KCNB2: variants seen among roughly 807,000 people sequenced by gnomAD.
KCNB2 encodes delayed rectifier potassium channel protein.
KCNB2 carries 15 observed loss-of-function variants against 61.5 expected under a neutral mutation model. The observed-to-expected ratio is 0.24, with a 90% CI of 0.16 to 0.38. KCNB2 has a LOEUF of 0.38. Among genes scored for constraint, KCNB2 ranks in the 10% least tolerant of loss-of-function variants. KCNB2 has a pLI of 1.00. For synonymous variants in KCNB2, 457 were observed against 446.0 expected (o/e 1.02, Z -0.31); for missense variants, 828 against 1,125.2 (o/e 0.74, Z 3.78).
At chr8:72,831,952 T>G (rs1370617652) in intron 2 of KCNB2, among the ~76,000 whole-genome samples, 4 of 152,236 alleles carry the variant, frequency 2.6e-5, no homozygotes, top group African/African-American at 4.8e-5. Context: ...TTCACCCTTT[T>G]AAGAGTCAGA....
intron 2 of KCNB2, among the ~76,000 whole-genome samples, chr8:72,636,759 A>G (rs915034337): frequency 2.0e-5 from 3 of 152,076 alleles, no homozygotes; most frequent in African/African-American, 7.2e-5. Context: ...TCTTAGAGCA[A>G]TTTTTGTCAT....
rs1267232553 is a variant in KCNB2 at position 72,537,301 on chromosome 8, C to G, written c.-678C>G. 1.3e-5 allele frequency: 2 copies of G among 152,182 alleles called. No individual in the cohort carries two copies. Among genetic ancestry groups the G allele is most frequent in the African/African-American group, 4.8e-5 (2 of 41,386 alleles). 9.4% of individuals were successfully genotyped at this position (152,182 alleles called of 1,614,324 possible). A position where few individuals can be genotyped will look rare whatever the true frequency, so the allele number is the denominator to read the frequency against. ...CCCCAGAGCGCCCCGCCTAGCCTCCCGCGCGCAGCCTCTACCCTGCTCCGC... is the reference window on the plus strand; with the variant it reads ...CCCCAGAGCGCCCCGCCTAGCCTCCGGCGCGCAGCCTCTACCCTGCTCCGC... On this transcript the variant is annotated 5_prime_UTR_variant, in exon 1 of 3. Transcript: ENST00000523207.
chr8:72,847,427 CA>C (rs1271249288), intron 2 of KCNB2, among the ~76,000 whole-genome samples: 1 of 152,186 alleles, frequency 6.6e-6, no homozygotes, highest in Non-Finnish European at 1.5e-5. Flanking sequence ...ACTAGGATTG[CA>C]AACAGTGCTT....
At chr8:72,749,041 G>A (rs544303799) in intron 2 of KCNB2, among the ~76,000 whole-genome samples, 1 of 152,228 alleles carries the variant, frequency 6.6e-6, no homozygotes, top group East Asian at 1.9e-4. Context: ...TGTACATAAT[G>A]TGTATAGTAC....
intron 2 of KCNB2, among the ~76,000 whole-genome samples, chr8:72,797,408 A>C (rs1479215797): frequency 6.6e-6 from 1 of 152,204 alleles, no homozygotes; most frequent in Non-Finnish European, 1.5e-5. Context: ...TGTTTGTGTA[A>C]TAAAAAATTG....
At chr8:72,850,296 T>C (rs1810077834) in intron 2 of KCNB2, among the ~76,000 whole-genome samples, 1 of 151,498 alleles carries the variant, frequency 6.6e-6, no homozygotes, top group Non-Finnish European at 1.5e-5. Context: ...CTTGGCTCAC[T>C]GCAACCTCCA....
chr8:72,688,779 T>C (rs1025799862), intron 2 of KCNB2, among the ~76,000 whole-genome samples: 1 of 152,196 alleles, frequency 6.6e-6, no homozygotes, highest in African/African-American at 2.4e-5. Flanking sequence ...CAGGCTATAG[T>C]GTAGAGGTGT....
At chr8:72,682,204 T>A (rs1420500793) in intron 2 of KCNB2, among the ~76,000 whole-genome samples, 1 of 152,128 alleles carries the variant, frequency 6.6e-6, no homozygotes, top group African/African-American at 2.4e-5. Flanking sequence ...TGTGTTCAGG[T>A]CATGATAAAC....
At chr8:72,798,087 T>C (rs1327512794) in intron 2 of KCNB2, among the ~76,000 whole-genome samples, 1 of 151,948 alleles carries the variant, frequency 6.6e-6, no homozygotes, top group Non-Finnish European at 1.5e-5. Context: ...TGGGTCAAGG[T>C]TGGAAAACAC....
At chr8:72,919,671 A>G (rs1806469558) in intron 2 of KCNB2, among the ~76,000 whole-genome samples, 2 of 152,224 alleles carry the variant, frequency 1.3e-5, no homozygotes, top group Non-Finnish European at 1.5e-5. Flanking sequence ...CGACCAAGTG[A>G]GGATCCCTAG....
Position 72,937,664 on chromosome 8 carries a change from G to C in KCNB2, c.2309G>C (p.Gly770Ala). The part of the protein sequence containing the change: ...TPSQGDRPLL[G>A]TEVSAPCQGP... Reference sequence around the variant, plus strand: ...TCCCAGGGAGACAGACCCTTGCTGGGCACTGAGGTTTCAGCGCCTTGTCAG... The same window carrying C: ...TCCCAGGGAGACAGACCCTTGCTGGCCACTGAGGTTTCAGCGCCTTGTCAG... The change falls in exon 3 of 3, where the codon GGC (glycine) becomes GCC (alanine). Residue 770 changes from glycine to alanine, a missense_variant. Gly to Ala is a moderately conservative substitution (Grantham distance 60). Coordinates refer to ENST00000523207, the MANE Select transcript of KCNB2 (RefSeq NM_004770.3). The C allele has an allele frequency of 6.2e-7, 1 of 1,614,042 alleles. No homozygotes were observed.
intron 2 of KCNB2, among the ~76,000 whole-genome samples, chr8:72,711,610 A>T (rs997549259): frequency 1.3e-5 from 2 of 152,242 alleles, no homozygotes; most frequent in African/African-American, 4.8e-5. Flanking sequence ...CCAGGCAAAG[A>T]CAAAGATGGT....
chr8:72,580,291 T>A (rs1312591485), intron 2 of KCNB2, among the ~76,000 whole-genome samples: 1 of 152,230 alleles, frequency 6.6e-6, no homozygotes, highest in Non-Finnish European at 1.5e-5. Flanking sequence ...CATCATTAAT[T>A]GTATTACAGA....
intron 2 of KCNB2, among the ~76,000 whole-genome samples, chr8:72,701,914 T>C (rs1303147769): frequency 1.3e-5 from 2 of 152,200 alleles, no homozygotes; most frequent in Non-Finnish European, 2.9e-5. Flanking sequence ...TGTAATATTG[T>C]ACATTTGAAC....
At chr8:72,704,059 T>A (rs1279670815) in intron 2 of KCNB2, among the ~76,000 whole-genome samples, 2 of 152,138 alleles carry the variant, frequency 1.3e-5, no homozygotes, top group East Asian at 3.9e-4. Flanking sequence ...CACACGTAAA[T>A]CTCACAGCTC....
At chr8:72,818,420 C>T (rs1374093335) in intron 2 of KCNB2, among the ~76,000 whole-genome samples, 1 of 152,052 alleles carries the variant, frequency 6.6e-6, no homozygotes, top group African/African-American at 2.4e-5. Context: ...ACCTTAGTTC[C>T]ACCATTAACT....
At chr8:72,702,528 G>A (rs1231786490) in intron 2 of KCNB2, among the ~76,000 whole-genome samples, 2 of 152,130 alleles carry the variant, frequency 1.3e-5, no homozygotes, top group African/African-American at 2.4e-5. Flanking sequence ...TTTGCTAGTG[G>A]CCATTCAGAA....
At chr8:72,890,835 T>C (rs924227568) in intron 2 of KCNB2, among the ~76,000 whole-genome samples, 11 of 152,216 alleles carry the variant, frequency 7.2e-5, no homozygotes, top group Non-Finnish European at 1.2e-4. Context: ...GTAGTTCTGT[T>C]ACTGTCTACT....
chr8:72,645,056 T>A (rs2128985973), intron 2 of KCNB2, among the ~76,000 whole-genome samples: 1 of 152,250 alleles, frequency 6.6e-6, no homozygotes, highest in South Asian at 2.1e-4. Flanking sequence ...AAACATTATA[T>A]TTGTGATCTT....
Sources: gnomAD v4.1 joint callset for allele counts (sites outside exome capture counted in the v4.1 genomes callset) on GRCh38, gnomAD v4.1.1 for gene constraint, MANE v1.5 for transcripts, NCBI Gene and HGNC (gene_info 2026-07-23, HGNC 2026-07-21) for gene names.